Variants in IL6R observed in about 807,000 individuals in gnomAD.
IL6R encodes the protein interleukin-6 receptor subunit alpha.
A neutral mutation model predicts 48.3 loss-of-function variants in IL6R; 38 were observed. The observed-to-expected ratio is 0.79, with a 90% CI of 0.61 to 1.03. The LOEUF (loss-of-function observed/expected upper bound fraction) is 1.03. Ranked by LOEUF, IL6R falls within the 50% of genes least tolerant of loss-of-function variation. The pLI is 0.00. For synonymous variants in IL6R, 264 were observed against 256.2 expected (o/e 1.03, Z -0.29); for missense variants, 534 against 618.3 (o/e 0.86, Z 1.45).
At chr1:154,450,903 C>T (rs79768327) in intron 8 of IL6R, among the ~76,000 whole-genome samples, 75 of 152,328 alleles carry the variant, frequency 4.9e-4, no homozygotes, top group African/African-American at 1.7e-3. Context: ...GGTACAAAGC[C>T]CTACCATGGT....
intron 6 of IL6R, among the ~76,000 whole-genome samples, chr1:154,447,470 T>C (rs1166005666): frequency 0.074 from 7,477 of 100,896 alleles, 1,622 homozygotes; most frequent in African/African-American, 0.33. Context: ...TATATATATA[T>C]ATATATACAC....
chr1:154,444,594 T>C (rs1690111891), intron 6 of IL6R, among the ~76,000 whole-genome samples: 1 of 152,168 alleles, frequency 6.6e-6, no homozygotes, highest in Non-Finnish European at 1.5e-5. Context: ...ATCACCATAA[T>C]TTCATAAAAG....
chr1:154,460,291 G>A lies in IL6R; in HGVS notation c.1161-4843G>A, dbSNP rs185382220. Among the ~76,000 whole-genome samples the A allele has an allele frequency of 5.3e-5, 8 of 152,204 alleles. No individual in the cohort carries two copies. In the East Asian group the frequency reaches 1.5e-3, roughly 29 times the overall value. On this transcript the variant is annotated intron_variant, in intron 9 of 9. Transcript: ENST00000368485. ...CCAGGCCCTGCTCACACCCATCCAG[G>A]CCAGCTCTGGACACCCTCAGGTTGG...
At chr1:154,413,809 C>G (rs1570921881) in intron 1 of IL6R, among the ~76,000 whole-genome samples, 1 of 146,610 alleles carries the variant, frequency 6.8e-6, no homozygotes, top group Admixed American at 6.8e-5. Flanking sequence ...TGGTTTTTGC[C>G]AAGAAATTTC....
chr1:154,429,956 C>T (rs768982343), intron 2 of IL6R, among the ~76,000 whole-genome samples: 30 of 152,232 alleles, frequency 2.0e-4, no homozygotes, highest in Non-Finnish European at 4.0e-4. Flanking sequence ...TCTTAGCTCC[C>T]TCATACCTAG....
rs1691615989 is a variant in IL6R at position 154,467,587 on chromosome 1, C to CAACT, written c.*2208_*2211dup. On this transcript the variant is annotated 3_prime_UTR_variant, in exon 10 of 10. Transcript: ENST00000368485. Reference sequence around the variant, plus strand: ...TTTTAGACCCTATTGCTGCTTGAGGCAACTCATCTTAGGTTGGCAAAAAGG... The same window carrying CAACT: ...TTTTAGACCCTATTGCTGCTTGAGGCAACTAACTCATCTTAGGTTGGCAAAAAGG... 1.3e-5 allele frequency: 2 copies of CAACT among 152,226 alleles called. No individual in the cohort carries two copies. Among genetic ancestry groups the CAACT allele is most frequent in the South Asian group, 4.1e-4 (2 of 4,832 alleles). 9.4% of individuals were successfully genotyped at this position (152,226 alleles called of 1,614,324 possible).
chr1:154,418,502 C>A, intron 1 of IL6R: 1 of 722,668 alleles, frequency 1.4e-6, no homozygotes, highest in Non-Finnish European at 1.7e-6. Flanking sequence ...GAGGAGGGAG[C>A]AGGGGCCTGC....
intron 1 of IL6R, among the ~76,000 whole-genome samples, chr1:154,425,092 A>G (rs1033155460): frequency 2.0e-5 from 3 of 152,186 alleles, no homozygotes; most frequent in Non-Finnish European, 2.9e-5. Flanking sequence ...TATAGATAAC[A>G]TAACCGATTA....
chr1:154,448,917 C>T (rs1405224029), intron 7 of IL6R, among the ~76,000 whole-genome samples: 5 of 110,216 alleles, frequency 4.5e-5, no homozygotes, highest in African/African-American at 1.4e-4. Context: ...GACGGAGTCT[C>T]GCTCTGTCGC....
chr1:154,419,090 G>T (rs539171190), intron 1 of IL6R, among the ~76,000 whole-genome samples: 7 of 152,272 alleles, frequency 4.6e-5, no homozygotes, highest in African/African-American at 2.4e-5. Flanking sequence ...AGGCTCATCT[G>T]GGTCCAGCGT....
Position 154,467,364 on chromosome 1 carries a change from A to G in IL6R, c.*1984A>G, listed in dbSNP as rs183148051. 4 of 152,300 alleles carry G rather than the reference A, an allele frequency of 2.6e-5. No homozygotes were observed. Among genetic ancestry groups the G allele is most frequent in the Admixed American group, 2.6e-4 (4 of 15,298 alleles). 9.4% of individuals were successfully genotyped at this position (152,300 alleles called of 1,614,324 possible). A position where few individuals can be genotyped will look rare whatever the true frequency, so the allele number is the denominator to read the frequency against. ...ATTCCAGAGTGGGGATATGATTTAA[A>G]TCAGCCGTGTAACCATGGACCCAAT... On this transcript the variant is annotated 3_prime_UTR_variant, in exon 10 of 10. Coordinates refer to ENST00000368485, the MANE Select transcript of IL6R (RefSeq NM_000565.4).
At chr1:154,460,770 C>A (rs1691207631) in intron 9 of IL6R, among the ~76,000 whole-genome samples, 1 of 152,050 alleles carries the variant, frequency 6.6e-6, no homozygotes, top group Admixed American at 6.5e-5. Context: ...CAGAGGGTCA[C>A]CAAAGGAGGA....
chr1:154,414,620 T>C (rs772414653), intron 1 of IL6R: 13 of 792,974 alleles, frequency 1.6e-5, no homozygotes, highest in Non-Finnish European at 2.8e-5. Flanking sequence ...TCCCTGATAG[T>C]GTCAAGCAGG....
intron 9 of IL6R, 113 bp downstream of exon 9, chr1:154,454,694 A>T: frequency 1.3e-6 from 1 of 748,516 alleles, no homozygotes; most frequent in Non-Finnish European, 2.3e-6. Flanking sequence ...TCCATTCATC[A>T]AATGAATGCA....
intron 1 of IL6R, among the ~76,000 whole-genome samples, chr1:154,416,563 C>T (rs190749129): frequency 1.3e-5 from 2 of 152,122 alleles, no homozygotes; most frequent in Admixed American, 6.5e-5. Flanking sequence ...GCAGGAGAGC[C>T]CGACATTCAG....
chr1:154,420,254 CT>C (rs1688579862), intron 1 of IL6R, among the ~76,000 whole-genome samples: 1 of 152,110 alleles, frequency 6.6e-6, no homozygotes, highest in South Asian at 2.1e-4. Flanking sequence ...TGTTTGCTTC[CT>C]GCCCTCTGAG....
rs984920611 is a variant in IL6R at position 154,436,002 on chromosome 1, G to T, written c.841G>T (p.Asp281Tyr). Residue 281 changes from aspartate to tyrosine, a missense_variant, in exon 6 of 10, where the codon GAC (aspartate) becomes TAC (tyrosine). Asp to Tyr is a radical substitution (Grantham distance 160, BLOSUM62 -3). Transcript: ENST00000368485. Reference sequence around the variant, plus strand: ...CCTCCAGCATCACTGTGTCATCCACGACGCCTGGAGCGGCCTGAGGCACGT... The same window carrying T: ...CCTCCAGCATCACTGTGTCATCCACTACGCCTGGAGCGGCCTGAGGCACGT... ...KDLQHHCVIH[D>Y]AWSGLRHVVQ... The T allele has an allele frequency of 2.5e-6, 4 of 1,611,086 alleles. No individual in the cohort carries two copies. The highest frequency in any genetic ancestry group is 2.5e-6 in the Non-Finnish European group (3 of 1,178,044).
chr1:154,421,391 G>A (rs1688654978), intron 1 of IL6R, among the ~76,000 whole-genome samples: 2 of 152,292 alleles, frequency 1.3e-5, no homozygotes, highest in Admixed American at 1.3e-4. Flanking sequence ...GGTCCCCACT[G>A]CCCAGGCCAG....
chr1:154,465,243 C>T lies in IL6R; in HGVS notation c.1270C>T (p.Leu424Phe), dbSNP rs143810642. The change falls in exon 10 of 10, where the codon CTT becomes TTT. Residue 424 changes from leucine (L) to phenylalanine (F), a missense_variant. By Grantham distance (22) the Leu-to-Phe change is conservative. Coordinates refer to ENST00000368485, the MANE Select transcript of IL6R (RefSeq NM_000565.4). ...GGAGAGGCCTCGACCCACCCCAGTG[C>T]TTGTTCCTCTCATCTCCCCACCGGT... is the stretch of plus-strand genomic sequence containing the variant. ...VPERPRPTPV[L>F]VPLISPPVSP... is the part of the protein sequence containing the mutation. 243 of 1,614,180 alleles carry T rather than the reference C, an allele frequency of 1.5e-4. No homozygotes were observed. Among genetic ancestry groups the T allele is most frequent in the Non-Finnish European group, 1.8e-4 (210 of 1,180,034 alleles).
Sources: allele counts gnomAD v4.1 joint callset (sites outside exome capture counted in the v4.1 genomes callset), GRCh38; gene constraint gnomAD v4.1.1; transcripts MANE v1.5; gene names NCBI Gene and HGNC (gene_info 2026-07-23, HGNC 2026-07-21).